The following KCNH5 variants were observed in gnomAD, a reference collection of about 807,000 sequenced individuals.
The protein encoded by KCNH5 is potassium voltage-gated channel subfamily H member 5, also known as voltage-gated delayed rectifier potassium channel KCNH5.
A neutral mutation model predicts 96.1 loss-of-function variants in KCNH5; 46 were observed. The observed-to-expected ratio is 0.48, with a 90% CI of 0.38 to 0.61. The LOEUF (loss-of-function observed/expected upper bound fraction) is 0.61, where lower values mean the gene tolerates loss of function less well. Ranked by LOEUF, KCNH5 falls within the 20% of genes least tolerant of loss-of-function variation. The probability of loss-of-function intolerance (pLI) is 0.00; values close to 1 mark genes in which losing one functional copy is unlikely to be tolerated. For synonymous variants in KCNH5, 439 were observed against 449.8 expected, an observed-to-expected ratio of 0.98 and a Z score of 0.30; for missense variants, 907 against 1,225.8, an observed-to-expected ratio of 0.74 and a Z score of 3.88.
In KCNH5 at chr14:62,984,468, C is replaced by T. The variant is rs1890667719; in HGVS notation, c.549+2604G>A. Among the ~76,000 whole-genome samples, 3 of 152,144 alleles carry T rather than the reference C, an allele frequency of 2.0e-5. No individual in the cohort carries two copies. In the South Asian group the frequency reaches 6.2e-4, roughly 31 times the overall value. On this transcript the variant is annotated intron_variant, in intron 5 of 10. Transcript: ENST00000322893. ...ATCTGTCTTTGAAAAAGTAAAAGCA[C>T]CTCAAATTCCATAGCTAAACCAAAT...
In KCNH5 at chr14:62,755,032, G is replaced by A. The variant is rs1885590679; in HGVS notation, c.2019+24696C>T. Reference sequence around the variant, plus strand: ...GCAAGCTTCCCATAAACAACCTAATGATGCATACTGAAGAACTAGAAAAGC... The same window carrying A: ...GCAAGCTTCCCATAAACAACCTAATAATGCATACTGAAGAACTAGAAAAGC... On this transcript the variant is annotated intron_variant, in intron 10 of 10. Transcript: ENST00000322893. Among the ~76,000 whole-genome samples, 7 of 151,010 alleles carry A rather than the reference G, an allele frequency of 4.6e-5. No individual in the cohort carries two copies. In the Admixed American group the frequency reaches 4.6e-4, roughly 10 times the overall value.
rs1884444120 is a variant in KCNH5, at chr14:62,706,881, TA to T, written c.*626del. On this transcript the variant is annotated 3_prime_UTR_variant, in exon 11 of 11. Transcript: ENST00000322893. ...GTATAATGTTAAAAAACGAGAGGTATAGTTGATCAAAAATGTAATTCATGCA... is the reference window on the plus strand; with the variant it reads ...GTATAATGTTAAAAAACGAGAGGTATGTTGATCAAAAATGTAATTCATGCA... The T allele has an allele frequency of 6.6e-6, 1 of 152,148 alleles. No individual in the cohort carries two copies. Among genetic ancestry groups the T allele is most frequent in the Middle Eastern group, 3.2e-3 (1 of 316 alleles). 9.4% of individuals were successfully genotyped at this position (152,148 alleles called of 1,614,324 possible).
chr14:62,809,475 A>G (rs183299487), intron 8 of KCNH5, among the ~76,000 whole-genome samples: 73 of 152,214 alleles, frequency 4.8e-4, no homozygotes, highest in African/African-American at 1.5e-3. Context: ...TAAGTAAAGA[A>G]TGTCACTTTC....
At chr14:62,798,623 A>G (rs12433681) in intron 9 of KCNH5, among the ~76,000 whole-genome samples, 65,673 of 152,038 alleles carry the variant, frequency 0.43, 14,690 homozygotes, top group East Asian at 0.76. Flanking sequence ...AAATTGAAAA[A>G]AGACATGAAC....
In KCNH5 at chr14:62,703,185, C is replaced by A. The variant is rs1362295919; in HGVS notation, c.*4323G>T. 8 of 151,986 alleles carry A rather than the reference C, an allele frequency of 5.3e-5. No individual in the cohort carries two copies. The East Asian group carries it at 1.5e-3, about 29-fold the overall frequency. The allele number at this position is 151,986 out of a possible 1,614,324, so 9.4% of individuals were successfully genotyped here. A position where few individuals can be genotyped will look rare whatever the true frequency, so the allele number is the denominator to read the frequency against. ...TTTATTTGATTTGTAGTTCTAAATT[C>A]CCACATAAGTATGAAGTTTTATGCT... is the stretch of plus-strand genomic sequence containing the variant. On this transcript the variant is annotated 3_prime_UTR_variant, in exon 11 of 11. Coordinates refer to ENST00000322893, the MANE Select transcript of KCNH5 (RefSeq NM_139318.5).
In KCNH5 at chr14:62,796,502, T is replaced by C. The variant is rs572269389; in HGVS notation, c.1822+5827A>G. On this transcript the variant is annotated intron_variant, in intron 9 of 10. Transcript: ENST00000322893. ...AAACAAGCATAGCTCTCTTGAGAAT[T>C]TGAAGTTACAATTGAAAGACTTAGA... Among the ~76,000 whole-genome samples, 5 of 152,270 alleles carry C rather than the reference T, an allele frequency of 3.3e-5. No homozygotes were observed. The South Asian group carries it at 1.0e-3, about 32-fold the overall frequency.
intron 8 of KCNH5, among the ~76,000 whole-genome samples, chr14:62,842,099 C>T (rs1455855937): frequency 6.6e-6 from 1 of 152,132 alleles, no homozygotes; most frequent in Non-Finnish European, 1.5e-5. Flanking sequence ...AATAACACAG[C>T]CTAAGATTTG....
chr14:63,023,679 G>A (rs776949461), intron 1 of KCNH5, among the ~76,000 whole-genome samples: 19 of 152,134 alleles, frequency 1.2e-4, no homozygotes, highest in Non-Finnish European at 2.5e-4. Flanking sequence ...ACAGAAAGTT[G>A]AAGTTCTCAA....
chr14:62,980,488 T>C (rs1890585202), intron 6 of KCNH5, among the ~76,000 whole-genome samples: 1 of 152,224 alleles, frequency 6.6e-6, no homozygotes, highest in African/African-American at 2.4e-5. Flanking sequence ...TATTAGGTTG[T>C]TATAAAAGTA....
At position 62,707,961 on chromosome 14, in the gene KCNH5, C is replaced by T. The variant is rs1293937237; in HGVS notation, c.2514G>A (p.Gly838=). The change falls in exon 11 of 11, where the codon GGG becomes GGA. Residue 838 remains glycine, a synonymous_variant. Transcript: ENST00000322893. ...TGCTCTTGGGGTCCTCAGACAATAG[C>T]CCCATTGACTCAGCTTTAGTGACAT... ...WNNVTKAESM[G]LLSEDPKSSD... The T allele has an allele frequency of 3.1e-6, 5 of 1,614,092 alleles. No individual in the cohort carries two copies. The highest frequency in any genetic ancestry group is 4.2e-6 in the Non-Finnish European group (5 of 1,180,044).
At chr14:62,808,551 T>C (rs1488669581) in intron 8 of KCNH5, among the ~76,000 whole-genome samples, 2 of 152,132 alleles carry the variant, frequency 1.3e-5, no homozygotes, top group Non-Finnish European at 2.9e-5. Context: ...TTAACATTAA[T>C]AGTACATTAT....
intron 8 of KCNH5, among the ~76,000 whole-genome samples, chr14:62,813,641 A>C (rs902316125): frequency 6.6e-6 from 1 of 152,190 alleles, no homozygotes; most frequent in African/African-American, 2.4e-5. Flanking sequence ...TGGAGCTACC[A>C]CCAAATCTCT....
chr14:62,908,463 A>T (rs1889073475), intron 7 of KCNH5, among the ~76,000 whole-genome samples: 2 of 152,200 alleles, frequency 1.3e-5, no homozygotes, highest in African/African-American at 4.8e-5. Flanking sequence ...TTCCCACCCC[A>T]AATTCCTAGA....
chr14:62,820,821 T>C (rs1370010823), intron 8 of KCNH5, among the ~76,000 whole-genome samples: 1 of 152,126 alleles, frequency 6.6e-6, no homozygotes, highest in Non-Finnish European at 1.5e-5. Flanking sequence ...GTCTTCCTAA[T>C]AGAATGATTT....
At chr14:62,993,588 A>G (rs1002364101) in intron 4 of KCNH5, among the ~76,000 whole-genome samples, 4 of 152,014 alleles carry the variant, frequency 2.6e-5, no homozygotes, top group Non-Finnish European at 5.9e-5. Flanking sequence ...AATTTTTGCT[A>G]TCACTAACAA....
At chr14:62,792,263 T>C (rs560698364) in intron 9 of KCNH5, among the ~76,000 whole-genome samples, 6 of 151,630 alleles carry the variant, frequency 4.0e-5, no homozygotes, top group African/African-American at 1.4e-4. Flanking sequence ...CTTGAAGACA[T>C]TTTCAGAGAA....
At chr14:62,821,703 C>A (rs938006981) in intron 8 of KCNH5, among the ~76,000 whole-genome samples, 1 of 151,964 alleles carries the variant, frequency 6.6e-6, no homozygotes, top group Non-Finnish European at 1.5e-5. Flanking sequence ...ATAAAAATAG[C>A]CATGAATATC....
chr14:62,893,729 G>A (rs911999594), intron 7 of KCNH5, among the ~76,000 whole-genome samples: 2 of 151,186 alleles, frequency 1.3e-5, no homozygotes, highest in African/African-American at 2.4e-5. Context: ...CAGCCTGGGC[G>A]ACAGAGCGAG....
intron 7 of KCNH5, among the ~76,000 whole-genome samples, chr14:62,888,072 T>G (rs995036851): frequency 1.3e-5 from 2 of 152,244 alleles, no homozygotes; most frequent in Non-Finnish European, 2.9e-5. Context: ...AATGTTGGCA[T>G]GCTAATTCCC....
Sources: gnomAD v4.1 joint callset for allele counts (sites outside exome capture counted in the v4.1 genomes callset) on GRCh38, gnomAD v4.1.1 for gene constraint, MANE v1.5 for transcripts, NCBI Gene and HGNC (gene_info 2026-07-23, HGNC 2026-07-21) for gene names.